Variants in ZNF43 observed in about 807,000 individuals in gnomAD.
ZNF43 encodes the protein zinc finger protein 39-like 1 (KOX 27).
ZNF43 carries 44 observed loss-of-function variants against 68.4 expected under a neutral mutation model. That is an observed-to-expected ratio of 0.64 (90% CI 0.51 to 0.83). The LOEUF is 0.83. ZNF43 is among the 40% of genes least tolerant of loss of function. The pLI is 0.00. For missense variants in ZNF43, 896 were observed against 933.2 expected (o/e 0.96, Z 0.52); for synonymous variants, 308 against 307.8 (o/e 1.00, Z -0.01).
chr19:21,817,390 G>A (rs2037580725), intron 3 of ZNF43, among the ~76,000 whole-genome samples: 1 of 151,942 alleles, frequency 6.6e-6, no homozygotes, highest in Non-Finnish European at 1.5e-5. Context: ...AAAGAACAAA[G>A]CAAAGAAACA....
chr19:21,823,552 G>A (rs556658696), intron 1 of ZNF43, among the ~76,000 whole-genome samples: 12 of 150,836 alleles, frequency 8.0e-5, no homozygotes, highest in Admixed American at 1.3e-4. Context: ...ATGATAAGCC[G>A]GGCAAGAAAG....
chr19:21,808,126 A>G lies in ZNF43; in HGVS notation c.1911T>C (p.Leu637=). ...CAGTGTGAATTATCTTATGTTTAGT[A>G]AGAGTTGAGAACTGGTTAAAAGCTT... is the stretch of plus-strand genomic sequence containing the variant. ...CGKAFNQFST[L]TKHKIIHTEE... Residue 637 remains leucine (L), a synonymous_variant, in exon 4 of 4, where the codon CTT becomes CTC. Transcript: ENST00000354959. The G allele has an allele frequency of 1.2e-6, 2 of 1,613,220 alleles. No homozygotes were observed. Among genetic ancestry groups the G allele is most frequent in the African/African-American group, 2.7e-5 (2 of 74,994 alleles).
At chr19:21,813,507 C>A (rs1303909731) in intron 3 of ZNF43, among the ~76,000 whole-genome samples, 1 of 151,998 alleles carries the variant, frequency 6.6e-6, no homozygotes, top group Non-Finnish European at 1.5e-5. Context: ...AATCTTGCCT[C>A]ATTTTAAGAT....
intron 1 of ZNF43, among the ~76,000 whole-genome samples, chr19:21,828,197 C>A (rs748369835): frequency 1.3e-5 from 2 of 152,144 alleles, no homozygotes; most frequent in Non-Finnish European, 2.9e-5. Context: ...ATGTACTAGT[C>A]ATAATGTATG....
At chr19:21,831,505 G>A (rs1463750614) in intron 1 of ZNF43, among the ~76,000 whole-genome samples, 1 of 152,018 alleles carries the variant, frequency 6.6e-6, no homozygotes, top group African/African-American at 2.4e-5. Flanking sequence ...GGGATTACAA[G>A]CCACACAACA....
chr19:21,809,616 T>C lies in ZNF43; in HGVS notation c.421A>G (p.Thr141Ala), dbSNP rs767372910. 26 of 1,612,050 alleles carry C rather than the reference T, an allele frequency of 1.6e-5. No homozygotes were observed. Among genetic ancestry groups the C allele is most frequent in the Non-Finnish European group, 2.0e-5 (24 of 1,179,228 alleles). The change falls in exon 4 of 4, where the codon ACC (threonine) becomes GCC (alanine). Residue 141 changes from threonine to alanine, a missense_variant. Physicochemically the swap from Thr to Ala is moderately conservative, Grantham distance 58. Coordinates refer to ENST00000354959, the MANE Select transcript of ZNF43 (RefSeq NM_003423.4). ...TCAAATAGAAATATTTTGCTCTGGG[T>C]AGCTGGCAAACATTGGTTAAATCCA... ...YNGFNQCLPA[T>A]QSKIFLFDKC...
intron 1 of ZNF43, chr19:21,843,276 GGA>G (rs1456581081): frequency 1.4e-6 from 1 of 697,368 alleles, no homozygotes; most frequent in African/African-American, 1.9e-5. Context: ...GGCCCAGGCA[GGA>G]GAGTCAAATC....
intron 1 of ZNF43, among the ~76,000 whole-genome samples, chr19:21,844,921 A>AAAAAT (rs1310761266): frequency 1.5e-4 from 4 of 26,050 alleles, no homozygotes; most frequent in Admixed American, 7.3e-4. Context: ...AAAAAAAAAA[A>AAAAAT]ATATATATAT....
Position 21,805,231 on chromosome 19 carries a change from C to A in ZNF43, c.*2376G>T, listed in dbSNP as rs117329296. 2.0e-5 allele frequency: 3 copies of A among 151,352 alleles called. No individual in the cohort carries two copies. Among genetic ancestry groups the A allele is most frequent in the African/African-American group, 7.3e-5 (3 of 40,838 alleles). The allele number at this position is 151,352 out of a possible 1,614,324, so 9.4% of individuals were successfully genotyped here. ...CTGTGGTCCCAGAACTCTGGGAGGC[C>A]GAGGCAGGCAGATCATGAGGTCAGA... On this transcript the variant is annotated 3_prime_UTR_variant, in exon 4 of 4. Coordinates refer to ENST00000354959, the MANE Select transcript of ZNF43 (RefSeq NM_003423.4).
At chr19:21,829,848 C>T (rs2038337672) in intron 1 of ZNF43, among the ~76,000 whole-genome samples, 1 of 152,026 alleles carries the variant, frequency 6.6e-6, no homozygotes, top group African/African-American at 2.4e-5. Context: ...AACACAAAAC[C>T]TGACATCATA....
chr19:21,833,434 A>AT (rs1568378196), intron 1 of ZNF43, among the ~76,000 whole-genome samples: 1 of 151,474 alleles, frequency 6.6e-6, no homozygotes, highest in African/African-American at 2.4e-5. Context: ...CACCCAGCTA[A>AT]TTTTTTTGTA....
At position 21,851,916 on chromosome 19, in the gene ZNF43, TTCCA is replaced by T. The variant is rs778392100; in HGVS notation, c.15_18del (p.Gly6AlafsTer7). The stretch of plus-strand genomic sequence containing the variant: ...CCCCGCACACTCACCATTTCCCAGC[TTCCA>T]GGATGTCCGGGCATCTTAGCTGTGC... On this transcript the variant is annotated frameshift_variant, in exon 1 of 4. Transcript: ENST00000357491. LOFTEE classifies it high-confidence loss of function. 6.3e-7 allele frequency: 1 copy of T among 1,580,216 alleles called. No homozygotes were observed. Among genetic ancestry groups the T allele is most frequent in the African/African-American group, 1.3e-5 (1 of 74,258 alleles).
Position 21,809,260 on chromosome 19 carries a change from T to C in ZNF43, c.777A>G (p.Lys259=), listed in dbSNP as rs756135607. The C allele has an allele frequency of 6.2e-7, 1 of 1,613,746 alleles. No individual in the cohort carries two copies. Among genetic ancestry groups the C allele is most frequent in the South Asian group, 1.1e-5 (1 of 91,074 alleles). ...KKNYTRYKLY[K]CEECGKAFNK... is the part of the protein sequence containing the mutation. ...TAAAAGCTTTGCCACATTCTTCACATTTGTAGAGTTTGTATCTAGTATAAT... is the reference window on the plus strand; with the variant it reads ...TAAAAGCTTTGCCACATTCTTCACACTTGTAGAGTTTGTATCTAGTATAAT... Residue 259 remains lysine (K), a synonymous_variant, in exon 4 of 4, where the codon AAA becomes AAG. Coordinates refer to ENST00000354959, the MANE Select transcript of ZNF43 (RefSeq NM_003423.4).
In ZNF43 at chr19:21,834,086, A is replaced by G. The variant is rs2038563199; in HGVS notation, c.3+1950T>C. On this transcript the variant is annotated intron_variant, in intron 1 of 3. Transcript: ENST00000354959. ...CCTAGGGAAAACAAAAAGAAAAAAG[A>G]GGCCAGGCATGGTGGCGGAGGCGGG... 6.6e-5 allele frequency among the ~76,000 whole-genome samples: 10 copies of G among 152,088 alleles called. No individual in the cohort carries two copies. In the South Asian group the frequency reaches 2.1e-3, roughly 32 times the overall value.
intron 1 of ZNF43, among the ~76,000 whole-genome samples, chr19:21,845,197 G>C (rs1967870955): frequency 6.6e-6 from 1 of 152,004 alleles, no homozygotes; most frequent in Non-Finnish European, 1.5e-5. Flanking sequence ...AATACCCTGA[G>C]AGGTGAGACA....
chr19:21,836,198 T>C (rs1471343055), upstream of ZNF43: 3 of 1,512,088 alleles, frequency 2.0e-6, no homozygotes, highest in Middle Eastern at 1.9e-4. Flanking sequence ...CCCCGCCACA[T>C]CCCGGAAGCC....
chr19:21,808,092 G>T lies in ZNF43; in HGVS notation c.1945C>A (p.Pro649Thr), dbSNP rs373300019. Residue 649 changes from proline (P) to threonine (T), a missense_variant, in exon 4 of 4, where the codon CCC becomes ACC. Pro to Thr is a conservative substitution (Grantham distance 38). Transcript: ENST00000354959. ...TTGCCACATTCTTCACATTTGTAGG[G>T]TTTCTCCTCAGTGTGAATTATCTTA... ...KHKIIHTEEK[P>T]YKCEECGKAF... 1.8e-5 allele frequency: 29 copies of T among 1,612,538 alleles called. No individual in the cohort carries two copies. The highest frequency in any genetic ancestry group is 2.7e-5 in the African/African-American group (2 of 74,740).
intron 1 of ZNF43, among the ~76,000 whole-genome samples, chr19:21,819,862 C>G (rs966971960): frequency 1.3e-5 from 2 of 151,928 alleles, no homozygotes; most frequent in African/African-American, 4.8e-5. Context: ...GAGCAGCTGC[C>G]AGATTAAATG....
chr19:21,833,289 C>T (rs2038511573), intron 1 of ZNF43, among the ~76,000 whole-genome samples: 1 of 151,812 alleles, frequency 6.6e-6, no homozygotes, highest in African/African-American at 2.4e-5. Context: ...ATTTTTTAAA[C>T]AGAGTTTCCC....
Sources: allele counts gnomAD v4.1 joint callset (sites outside exome capture counted in the v4.1 genomes callset), GRCh38; gene constraint gnomAD v4.1.1; transcripts MANE v1.5; gene names NCBI Gene and HGNC (gene_info 2026-07-23, HGNC 2026-07-21).